The following ADAM8 variants were observed in gnomAD, a reference collection of about 807,000 sequenced individuals.
ADAM8 encodes the protein disintegrin and metalloproteinase domain-containing protein 8.
ADAM8 carries 104 observed loss-of-function variants against 102.4 expected under a neutral mutation model. That is an observed-to-expected ratio of 1.02 (90% CI 0.87 to 1.20). The LOEUF (loss-of-function observed/expected upper bound fraction) is 1.20. Ranked by LOEUF, ADAM8 falls within the 50% of genes most tolerant of loss-of-function variation. ADAM8 has a pLI of 0.00. For synonymous variants in ADAM8, 517 were observed against 485.2 expected (o/e 1.07, Z -0.86); for missense variants, 1,132 against 1,159.0 (o/e 0.98, Z 0.34).
At chr10:133,264,182 C>T (rs1846253264) in intron 21 of ADAM8, among the ~76,000 whole-genome samples, 1 of 151,694 alleles carries the variant, frequency 6.6e-6, no homozygotes, top group African/African-American at 2.4e-5. Flanking sequence ...CCGCCTCAGC[C>T]TCCTGAGTAG....
chr10:133,273,073 C>T, intron 6 of ADAM8, 54 bp from the exon 7 acceptor site: 1 of 1,609,606 alleles, frequency 6.2e-7, no homozygotes, highest in Non-Finnish European at 8.5e-7. Context: ...GGGCCTGGAC[C>T]CTCCCTCAGG....
intron 1 of ADAM8, 53 bp downstream of exon 1, chr10:133,276,719 G>A: frequency 6.6e-7 from 1 of 1,518,588 alleles, no homozygotes; most frequent in Non-Finnish European, 8.8e-7. Flanking sequence ...GTCCTGCGGG[G>A]AGAGCCACCC....
chr10:133,269,612 C>CG (rs1564921991), intron 17 of ADAM8, 83 bp from the exon 18 acceptor site: 1 of 1,359,920 alleles, frequency 7.4e-7, no homozygotes, highest in East Asian at 2.5e-5. Context: ...ATGAGGGCCC[C>CG]GGGCCAGCCC....
intron 20 of ADAM8, 64 bp downstream of exon 20, chr10:133,267,865 G>A (rs978165054): frequency 8.1e-7 from 1 of 1,241,194 alleles, no homozygotes; most frequent in Admixed American, 3.7e-5. Flanking sequence ...GCTGCACTTG[G>A]GGTCGCAGGA....
At position 133,268,879 on chromosome 10, in the gene ADAM8, C is replaced by T; in HGVS notation, c.1949-17G>A. Reference sequence around the variant, plus strand: ...TCCCGGACGCTGTGGGACACACGGCCCCACATCAGGCAGGCAGGCCGCGAC... The same window carrying T: ...TCCCGGACGCTGTGGGACACACGGCTCCACATCAGGCAGGCAGGCCGCGAC... On this transcript the variant is annotated splice_polypyrimidine_tract_variant and intron_variant, in intron 18 of 22. Coordinates refer to ENST00000445355, the MANE Select transcript of ADAM8 (RefSeq NM_001109.5). The T allele has an allele frequency of 6.2e-7, 1 of 1,601,438 alleles. No homozygotes were observed. Among genetic ancestry groups the T allele is most frequent in the Non-Finnish European group, 8.5e-7 (1 of 1,178,846 alleles).
chr10:133,272,148 C>T, intron 10 of ADAM8, 45 bp downstream of exon 10: 2 of 1,540,108 alleles, frequency 1.3e-6, no homozygotes, highest in Non-Finnish European at 1.8e-6. Context: ...CTCCCCTATC[C>T]AGCTCTGGCC....
In ADAM8 at chr10:133,271,001, G is replaced by C; in HGVS notation, c.1444C>G (p.Arg482Gly). 6.2e-7 allele frequency: 1 copy of C among 1,612,798 alleles called. No individual in the cohort carries two copies. The highest frequency in any genetic ancestry group is 8.5e-7 in the Non-Finnish European group (1 of 1,179,952). Reference sequence around the variant, plus strand: ...GCGTCTTCCGGGCACTCAGGGTGCCGGCCGTCACAGAACTCCTCGAGGTCA... The same window carrying C: ...GCGTCTTCCGGGCACTCAGGGTGCCCGCCGTCACAGAACTCCTCGAGGTCA... The part of the protein sequence containing the change: ...MCDLEEFCDG[R>G]HPECPEDAFQ... The change falls in exon 14 of 23, where the codon CGG becomes GGG. Residue 482 changes from arginine (R) to glycine (G), a missense_variant. By Grantham distance (125) the Arg-to-Gly change is moderately radical. Transcript: ENST00000445355.
chr10:133,271,415 C>A, intron 12 of ADAM8, 113 bp downstream of exon 12: 1 of 1,467,256 alleles, frequency 6.8e-7, no homozygotes, highest in Non-Finnish European at 9.2e-7. Flanking sequence ...CCGCTCTGGA[C>A]ACCCACAGAG....
intron 2 of ADAM8, chr10:133,274,739 C>A: frequency 3.1e-6 from 1 of 318,814 alleles, no homozygotes; most frequent in Non-Finnish European, 6.3e-6. Context: ...CACGCACAGG[C>A]CCCTCCAGCG....
At chr10:133,269,155 G>A (rs933893078) in intron 18 of ADAM8, 1 of 985,476 alleles carries the variant, frequency 1.0e-6, no homozygotes, top group East Asian at 1.1e-4. Context: ...GGTGGCCTCA[G>A]GGCCCCGGGC....
chr10:133,263,169 G>A lies in ADAM8; in HGVS notation c.2462C>T (p.Pro821Leu). ...GCAGGTGCCCCCCTAGGGTGCTGTG[G>A]GAGCTCCGGCTCCTTGCTTCCTCTG... is the stretch of plus-strand genomic sequence containing the variant. ...PIQRKQGAGA[P>L]TAP Residue 821 changes from proline (P) to leucine (L), a missense_variant, in exon 23 of 23, where the codon CCC (proline) becomes CTC (leucine). Coordinates refer to ENST00000445355, the MANE Select transcript of ADAM8 (RefSeq NM_001109.5). 3 of 1,613,968 alleles carry A rather than the reference G, an allele frequency of 1.9e-6. No individual in the cohort carries two copies. The highest frequency in any genetic ancestry group is 2.5e-6 in the Non-Finnish European group (3 of 1,179,870).
intron 19 of ADAM8, 82 bp downstream of exon 19, chr10:133,268,666 G>A: frequency 1.4e-6 from 2 of 1,436,830 alleles, no homozygotes; most frequent in Non-Finnish European, 1.9e-6. Flanking sequence ...TCCACCATGG[G>A]CCCGTGCTGG....
chr10:133,270,968 C>T lies in ADAM8; in HGVS notation c.1477G>A (p.Glu493Lys). 1 of 1,612,878 alleles carries T rather than the reference C, an allele frequency of 6.2e-7. No individual in the cohort carries two copies. The highest frequency in any genetic ancestry group is 8.5e-7 in the Non-Finnish European group (1 of 1,179,972). The change falls in exon 14 of 23, where the codon GAG (glutamate) becomes AAG (lysine). Residue 493 changes from glutamate (E) to lysine (K), a missense_variant. Glu to Lys is a moderately conservative substitution (Grantham distance 56). Transcript: ENST00000445355. ...CCCCCGGAGCAGGGCGTGCCGTTCT[C>T]CTGGAAGGCGTCTTCCGGGCACTCA... Reference protein sequence around the residue: ...HPECPEDAFQENGTPCSGGYC... With the variant: ...HPECPEDAFQKNGTPCSGGYC...
intron 2 of ADAM8, 90 bp from the exon 3 acceptor site, chr10:133,274,325 G>C: frequency 8.0e-7 from 1 of 1,248,636 alleles, no homozygotes; most frequent in African/African-American, 1.5e-5. Flanking sequence ...AGCTGGGGGG[G>C]AAGGGGTGCC....
chr10:133,273,675 C>T, intron 5 of ADAM8, 87 bp downstream of exon 5: 1 of 1,421,912 alleles, frequency 7.0e-7, no homozygotes, highest in Non-Finnish European at 9.6e-7. Flanking sequence ...AGGAGGCACC[C>T]TCCCTGCCTC....
At position 133,271,369 on chromosome 10, in the gene ADAM8, C is replaced by T. The variant is rs902674822; in HGVS notation, c.1285-80G>A. 8.6e-6 allele frequency: 13 copies of T among 1,514,362 alleles called. No individual in the cohort carries two copies. In the African/African-American group the frequency reaches 1.7e-4, roughly 19 times the overall value. The allele number at this position is 1,514,362 out of a possible 1,614,324, so 93.8% of individuals were successfully genotyped here. A position where few individuals can be genotyped will look rare whatever the true frequency, so the allele number is the denominator to read the frequency against. On this transcript the variant is annotated intron_variant, in intron 12 of 22. Coordinates refer to ENST00000445355, the MANE Select transcript of ADAM8 (RefSeq NM_001109.5). ...GGGCGGACCTGGCCGCCTCCCCTGA[C>T]CACTGGGGTGCCCTGCAGCCACTCC...
intron 16 of ADAM8, 95 bp downstream of exon 16, chr10:133,270,265 G>T: frequency 1.4e-6 from 2 of 1,470,126 alleles, no homozygotes; most frequent in South Asian, 1.3e-5. Flanking sequence ...CCATGGCCTC[G>T]AGCAGCTGCC....
chr10:133,270,317 G>T, intron 16 of ADAM8, 43 bp downstream of exon 16: 1 of 1,553,874 alleles, frequency 6.4e-7, no homozygotes, highest in Non-Finnish European at 8.7e-7. Context: ...GCACATGCCC[G>T]GGATGCCTGG....
chr10:133,267,910 C>A lies in ADAM8; in HGVS notation c.2253+19G>T. ...GGCACTGCTTTCGGCCTCATGAACC[C>A]GCCAGGGGTGGTGCTTACAGCAGGG... is the stretch of plus-strand genomic sequence containing the variant. On this transcript the variant is annotated intron_variant, in intron 20 of 22. Coordinates refer to ENST00000445355, the MANE Select transcript of ADAM8 (RefSeq NM_001109.5). 2 of 1,257,464 alleles carry A rather than the reference C, an allele frequency of 1.6e-6. No individual in the cohort carries two copies. Among genetic ancestry groups the A allele is most frequent in the South Asian group, 3.7e-5 (1 of 26,856 alleles). The allele number at this position is 1,257,464 out of a possible 1,614,324, so 77.9% of individuals were successfully genotyped here.
Sources: allele counts gnomAD v4.1 joint callset (sites outside exome capture counted in the v4.1 genomes callset), GRCh38; gene constraint gnomAD v4.1.1; transcripts MANE v1.5; gene names NCBI Gene and HGNC (gene_info 2026-07-23, HGNC 2026-07-21).